Variants in NR2C2 observed in about 807,000 individuals in gnomAD.
NR2C2 encodes the protein nuclear receptor subfamily 2 group C member 2.
In NR2C2, 6 loss-of-function variants were observed where a neutral mutation model predicts 62.9. The ratio of observed to expected loss-of-function variants is 0.10; its 90% CI spans 0.05 to 0.19. NR2C2 has a LOEUF of 0.19. Among genes scored for constraint, NR2C2 ranks in the 10% least tolerant of loss-of-function variants. The probability of loss-of-function intolerance (pLI) is 1.00; values close to 1 mark genes in which losing one functional copy is unlikely to be tolerated. For synonymous variants in NR2C2, 272 were observed against 273.8 expected, an observed-to-expected ratio of 0.99 and a Z score of 0.07; for missense variants, 479 against 762.7, an observed-to-expected ratio of 0.63 and a Z score of 4.38.
At chr3:15,028,453 C>T in intron 7 of NR2C2, 133 bp from the exon 8 acceptor site, 1 of 712,682 alleles carries the variant, frequency 1.4e-6, no homozygotes, top group East Asian at 2.7e-5. Flanking sequence ...AAAGATCTTC[C>T]TCGTGTTGCC....
In NR2C2 at chr3:15,048,466, C is replaced by A. The variant is rs2042533761; in HGVS notation, c.*5458C>A. 1 of 152,310 alleles carries A rather than the reference C, an allele frequency of 6.6e-6. No individual in the cohort carries two copies. Among genetic ancestry groups the A allele is most frequent in the Non-Finnish European group, 1.5e-5 (1 of 68,004 alleles). The allele number at this position is 152,310 out of a possible 1,614,324, so 9.4% of individuals were successfully genotyped here. On this transcript the variant is annotated 3_prime_UTR_variant, in exon 14 of 14. Transcript: ENST00000425241. ...AGAAAAATGTCAGATATTTTTAATG[C>A]CCAGCTATAAATAATTTTGGTGTCT... is the stretch of plus-strand genomic sequence containing the variant.
At chr3:14,951,028 T>C (rs1450311488) in intron 1 of NR2C2, among the ~76,000 whole-genome samples, 3 of 152,220 alleles carry the variant, frequency 2.0e-5, no homozygotes, top group African/African-American at 7.2e-5. Context: ...TATGATTGAA[T>C]TACAAGTTTA....
intron 7 of NR2C2, 65 bp from the exon 8 acceptor site, chr3:15,028,521 C>T: frequency 6.5e-7 from 1 of 1,527,902 alleles, no homozygotes; most frequent in African/African-American, 1.4e-5. Flanking sequence ...ATTATAACTT[C>T]ATTGGCCTGA....
intron 1 of NR2C2, among the ~76,000 whole-genome samples, chr3:14,960,977 G>C (rs2039673609): frequency 1.3e-5 from 2 of 152,124 alleles, no homozygotes; most frequent in African/African-American, 2.4e-5. Flanking sequence ...GTAGAAACAA[G>C]TAAAAGTTAA....
At chr3:14,969,014 A>T (rs1430520743) in intron 1 of NR2C2, among the ~76,000 whole-genome samples, 2 of 142,996 alleles carry the variant, frequency 1.4e-5, no homozygotes, top group Non-Finnish European at 3.1e-5. Context: ...GAGGGATAGC[A>T]TTGGGAGATA....
chr3:14,993,377 C>T (rs551011074), intron 1 of NR2C2, among the ~76,000 whole-genome samples: 1 of 151,674 alleles, frequency 6.6e-6, no homozygotes, highest in Non-Finnish European at 1.5e-5. Flanking sequence ...TCGCTTGAAC[C>T]TGGGAGGCGG....
intron 1 of NR2C2, among the ~76,000 whole-genome samples, chr3:14,950,517 A>G (rs1184181400): frequency 1.4e-5 from 2 of 145,860 alleles, no homozygotes; most frequent in African/African-American, 2.6e-5. Flanking sequence ...AGTGTAGCTT[A>G]CAGTGTAAGC....
intron 1 of NR2C2, among the ~76,000 whole-genome samples, chr3:14,988,205 T>C (rs2040562744): frequency 6.6e-6 from 1 of 152,256 alleles, no homozygotes; most frequent in East Asian, 1.9e-4. Flanking sequence ...AAGCTATGGC[T>C]GTACAGCCAG....
rs1404755110 is a variant in NR2C2, at chr3:14,947,720, C to CCCGCCA, written c.-223_-218dup. The CCCGCCA allele has an allele frequency of 3.4e-5, 5 of 149,240 alleles. No individual in the cohort carries two copies. The highest frequency in any genetic ancestry group is 2.7e-4 in the Admixed American group (4 of 15,024). 9.2% of individuals were successfully genotyped at this position (149,240 alleles called of 1,614,324 possible). A position where few individuals can be genotyped will look rare whatever the true frequency, so the allele number is the denominator to read the frequency against. Reference sequence around the variant, plus strand: ...CCCCGGCGGCGCCCCCGGGCCCGTCCCCGCCACCCCGCTCCCACCTCGGCG... The same window carrying CCCGCCA: ...CCCCGGCGGCGCCCCCGGGCCCGTCCCCGCCACCGCCACCCCGCTCCCACCTCGGCG... On this transcript the variant is annotated 5_prime_UTR_variant, in exon 1 of 14. Transcript: ENST00000425241.
At chr3:14,990,288 A>G (rs1010087113) in intron 1 of NR2C2, among the ~76,000 whole-genome samples, 1 of 152,148 alleles carries the variant, frequency 6.6e-6, no homozygotes, top group Admixed American at 6.5e-5. Flanking sequence ...GGTGATCTTT[A>G]AGGGGAAAGG....
rs1027168035 is a variant in NR2C2 at position 14,949,938 on chromosome 3, T to C, written c.-40+2032T>C. 2.2e-4 allele frequency among the ~76,000 whole-genome samples: 34 copies of C among 152,344 alleles called. 4 individuals are homozygous for C. Among genetic ancestry groups the C allele is most frequent in the South Asian group, 2.1e-3 (10 of 4,830 alleles). The stretch of plus-strand genomic sequence containing the variant: ...GTTGTGGTTAGCAACTCCCCAACTT[T>C]TACTAGCAGTGTGATTTTGTGTAAG... On this transcript the variant is annotated intron_variant, in intron 1 of 13. Transcript: ENST00000425241.
At chr3:14,969,462 C>T (rs963814326) in intron 1 of NR2C2, among the ~76,000 whole-genome samples, 1 of 152,040 alleles carries the variant, frequency 6.6e-6, no homozygotes, top group Non-Finnish European at 1.5e-5. Flanking sequence ...AGGCTGGTCT[C>T]GAACTCCTGA....
At chr3:14,995,256 G>A (rs1276902899) in intron 1 of NR2C2, among the ~76,000 whole-genome samples, 2 of 141,690 alleles carry the variant, frequency 1.4e-5, no homozygotes, top group Non-Finnish European at 3.0e-5. Flanking sequence ...GTGGCTTTTC[G>A]TATATTTACA....
intron 1 of NR2C2, among the ~76,000 whole-genome samples, chr3:14,995,155 C>T (rs1487233285): frequency 3.3e-5 from 5 of 151,058 alleles, no homozygotes; most frequent in South Asian, 2.1e-4. Flanking sequence ...CACGCCATCA[C>T]GCCTGGCTAG....
chr3:14,978,671 G>A (rs2040276803), intron 1 of NR2C2, among the ~76,000 whole-genome samples: 1 of 152,114 alleles, frequency 6.6e-6, no homozygotes, highest in African/African-American at 2.4e-5. Flanking sequence ...TGGCACAGGG[G>A]ATAGGGTTGG....
intron 1 of NR2C2, among the ~76,000 whole-genome samples, chr3:14,987,177 G>T (rs367607230): frequency 1.3e-5 from 2 of 152,114 alleles, no homozygotes; most frequent in South Asian, 4.1e-4. Context: ...CAATCTCCTG[G>T]GCTCAAGCAA....
intron 3 of NR2C2, among the ~76,000 whole-genome samples, chr3:15,014,671 G>T (rs1394006323): frequency 6.6e-6 from 1 of 151,750 alleles, no homozygotes; most frequent in African/African-American, 2.4e-5. Flanking sequence ...CCCAGCCCCT[G>T]GTGACCACCA....
chr3:15,023,778 CAGAG>C (rs1055232142), intron 6 of NR2C2, among the ~76,000 whole-genome samples: 2 of 152,106 alleles, frequency 1.3e-5, no homozygotes, highest in Admixed American at 6.6e-5. Flanking sequence ...CAAAATGTAT[CAGAG>C]AGAGAGCTGG....
intron 10 of NR2C2, 32 bp downstream of exon 10, chr3:15,032,532 G>A (rs774832386): frequency 8.1e-6 from 13 of 1,613,952 alleles, no homozygotes; most frequent in East Asian, 6.7e-5. Flanking sequence ...ATGTATCCTC[G>A]GGCAGGAGCC....
Sources: allele counts gnomAD v4.1 joint callset (sites outside exome capture counted in the v4.1 genomes callset), GRCh38; gene constraint gnomAD v4.1.1; transcripts MANE v1.5; gene names NCBI Gene and HGNC (gene_info 2026-07-23, HGNC 2026-07-21).